UBTF: variants seen among roughly 807,000 people sequenced by gnomAD.
The protein encoded by UBTF is nucleolar transcription factor 1.
Under a neutral mutation model 112.3 loss-of-function variants are expected in UBTF, and 8 were observed. That is an observed-to-expected ratio of 0.07 (90% CI 0.04 to 0.13). The LOEUF is 0.13. Ranked by LOEUF, UBTF falls within the 10% of genes least tolerant of loss-of-function variation. The pLI is 1.00. For synonymous variants in UBTF, 417 were observed against 373.1 expected (o/e 1.12, Z -1.36); for missense variants, 457 against 982.1 (o/e 0.47, Z 7.15).
rs1378632973 is a variant in UBTF, at chr17:44,212,885, C to T, written c.594G>A (p.Lys198=). ...ACCACAGCTGCTGGGGGGTTTTGGG[C>T]TTCTCTGGGATGTCCGATTTCTTGG... The part of the protein sequence containing the change: ...QNAKKSDIPE[K]PKTPQQLWYT... The change falls in exon 7 of 21, where the codon AAG becomes AAA. Residue 198 remains lysine (K), a synonymous_variant. Coordinates refer to ENST00000436088, the MANE Select transcript of UBTF (RefSeq NM_014233.4). 6.2e-7 allele frequency: 1 copy of T among 1,614,142 alleles called. No individual in the cohort carries two copies. Among genetic ancestry groups the T allele is most frequent in the Admixed American group, 1.7e-5 (1 of 60,018 alleles).
Position 44,216,665 on chromosome 17 carries a change from C to T in UBTF, c.98G>A (p.Cys33Tyr), listed in dbSNP as rs1299576346. 1 of 1,614,098 alleles carries T rather than the reference C, an allele frequency of 6.2e-7. No individual in the cohort carries two copies. Among genetic ancestry groups the T allele is most frequent in the African/African-American group, 1.3e-5 (1 of 74,932 alleles). Residue 33 changes from cysteine to tyrosine, a missense_variant, in exon 3 of 21, where the codon TGC (cysteine) becomes TAC (tyrosine). Cys to Tyr is a radical substitution (Grantham distance 194). Coordinates refer to ENST00000436088, the MANE Select transcript of UBTF (RefSeq NM_014233.4). ...SQEDMLTLLECMKNNLPSNDS... is the reference protein window; with the variant it reads ...SQEDMLTLLEYMKNNLPSNDS... ...ATTGGATGGAAGGTTGTTCTTCATG[C>T]ATTCCAGCAAAGTCAGCATGTCTTC...
intron 19 of UBTF, 27 bp downstream of exon 19, chr17:44,207,672 C>G: frequency 6.2e-7 from 1 of 1,614,222 alleles, no homozygotes; most frequent in Non-Finnish European, 8.5e-7. Context: ...CCGCCCCACG[C>G]CCCTGCATCT....
chr17:44,216,322 A>G (rs2046843602), intron 3 of UBTF: 5 of 643,156 alleles, frequency 7.8e-6, no homozygotes, highest in Non-Finnish European at 1.1e-5. Flanking sequence ...TTGGCTCAAG[A>G]CCACTCAGAT....
rs756068296 is a variant in UBTF at position 44,212,939 on chromosome 17, C to T, written c.540G>A (p.Arg180=). 4 of 1,613,896 alleles carry T rather than the reference C, an allele frequency of 2.5e-6. No individual in the cohort carries two copies. Among genetic ancestry groups the T allele is most frequent in the East Asian group, 4.5e-5 (2 of 44,888 alleles). The change falls in exon 7 of 21, where the codon AGG becomes AGA. Residue 180 remains arginine (R), a splice_region_variant and synonymous_variant. Coordinates refer to ENST00000436088, the MANE Select transcript of UBTF (RefSeq NM_014233.4). ...QEFERNLARF[R]EDHPDLIQNA... ...TCTGGATTAGGTCGGGGTGATCCTC[C>T]CTAGCCAGGACACGGGGAGCAAGGA...
At chr17:44,218,125 G>A (rs754793807) in intron 2 of UBTF, 47 bp downstream of exon 2, 7 of 1,592,588 alleles carry the variant, frequency 4.4e-6, no homozygotes, top group African/African-American at 4.0e-5. Flanking sequence ...GCAGCCACGA[G>A]GGAAAGAGGG....
chr17:44,210,950 G>A lies in UBTF; in HGVS notation c.1204-3C>T. The A allele has an allele frequency of 6.2e-7, 1 of 1,605,562 alleles. No individual in the cohort carries two copies. Among genetic ancestry groups the A allele is most frequent in the Non-Finnish European group, 8.5e-7 (1 of 1,178,078 alleles). On this transcript the variant is annotated splice_polypyrimidine_tract_variant and splice_region_variant and intron_variant, in intron 12 of 20. Transcript: ENST00000436088. ...CGCTTGGGCTTCTCGGAGCCGCCCT[G>A]TCCAGGTGCAGAGGGTCGGGGTCCG...
chr17:44,207,326 G>A lies in UBTF; in HGVS notation c.2211C>T (p.Asp737=), dbSNP rs376920092. Residue 737 remains aspartate, a synonymous_variant, in exon 21 of 21, where the codon GAC becomes GAT. Transcript: ENST00000436088. ...CGGACTCATTATCTTCATCCTCATCGTCATCCTCGTCGTCGTCTTCGTCCT... is the reference window on the plus strand; with the variant it reads ...CGGACTCATTATCTTCATCCTCATCATCATCCTCGTCGTCGTCTTCGTCCT... ...DDEDEDDDED[D]DEDEDNESEG... The A allele has an allele frequency of 1.9e-5, 30 of 1,612,268 alleles. No individual in the cohort carries two copies. Among genetic ancestry groups the A allele is most frequent in the South Asian group, 7.7e-5 (7 of 90,746 alleles).
At position 44,207,020 on chromosome 17, in the gene UBTF, G is replaced by A; in HGVS notation, c.*222C>T. ...GCTTAGTCTGATAGTTGCTGTCCCT[G>A]GAGGAGGACCCCCAAGGGCTGATGT... On this transcript the variant is annotated 3_prime_UTR_variant, in exon 21 of 21. Transcript: ENST00000436088. 1 of 596,222 alleles carries A rather than the reference G, an allele frequency of 1.7e-6. No individual in the cohort carries two copies. The highest frequency in any genetic ancestry group is 2.2e-5 in the South Asian group (1 of 46,238). 36.9% of individuals were successfully genotyped at this position (596,222 alleles called of 1,614,324 possible). A position where few individuals can be genotyped will look rare whatever the true frequency, so the allele number is the denominator to read the frequency against.
intron 1 of UBTF, chr17:44,218,552 T>C: frequency 4.5e-6 from 1 of 219,902 alleles, no homozygotes; most frequent in Non-Finnish European, 7.7e-6. Context: ...AGCTCCCGCG[T>C]GCAGCGAGCG....
At chr17:44,218,441 T>C (rs1598270756) in intron 1 of UBTF, 145 bp from the exon 2 acceptor site, 1 of 544,890 alleles carries the variant, frequency 1.8e-6, no homozygotes, top group East Asian at 3.4e-5. Context: ...TCTATGGGAA[T>C]GGGAGTGCGC....
chr17:44,220,523 C>T (rs1029341482), upstream of UBTF, among the ~76,000 whole-genome samples: 3 of 150,968 alleles, frequency 2.0e-5, no homozygotes, highest in African/African-American at 7.3e-5. Flanking sequence ...AACCCGAAAA[C>T]TAAAACCTCT....
rs2056182478 is a variant in UBTF, at chr17:44,205,193, T to C, written c.*2049A>G. ...TGAATCCTACAAAACACTCCTTAAA[T>C]ATTAGAAAAGAAGTTGGGGGTGGGG... is the stretch of plus-strand genomic sequence containing the variant. On this transcript the variant is annotated 3_prime_UTR_variant, in exon 21 of 21. Transcript: ENST00000436088. 1 of 152,556 alleles carries C rather than the reference T, an allele frequency of 6.6e-6. No homozygotes were observed. The highest frequency in any genetic ancestry group is 6.5e-5 in the Admixed American group (1 of 15,278). The allele number at this position is 152,556 out of a possible 1,614,324, so 9.5% of individuals were successfully genotyped here. A position where few individuals can be genotyped will look rare whatever the true frequency, so the allele number is the denominator to read the frequency against.
rs757602997 is a variant in UBTF, at chr17:44,211,075, G to A, written c.1167C>T (p.Ser389=). Reference sequence around the variant, plus strand: ...CCTGGGCTGGCTTCTTGGAGGCGGGGCTGGTGGCCTGCTTCTTGTTGATGT... The same window carrying A: ...CCTGGGCTGGCTTCTTGGAGGCGGGACTGGTGGCCTGCTTCTTGTTGATGT... ...MLNINKKQAT[S]PASKKPAQEG... Residue 389 remains serine, a synonymous_variant, in exon 12 of 21, where the codon AGC becomes AGT. Transcript: ENST00000436088. This position sits in a 1 kb window ranked among gnomAD's most constrained non-coding sequence, Gnocchi z 4.9. The A allele has an allele frequency of 6.2e-7, 1 of 1,612,848 alleles. No homozygotes were observed. Among genetic ancestry groups the A allele is most frequent in the South Asian group, 1.1e-5 (1 of 91,052 alleles).
rs1198789598 is a variant in UBTF at position 44,207,171 on chromosome 17, G to T, written c.*71C>A. 1.9e-6 allele frequency: 3 copies of T among 1,569,758 alleles called. No individual in the cohort carries two copies. Among genetic ancestry groups the T allele is most frequent in the Non-Finnish European group, 2.6e-6 (3 of 1,146,482 alleles). On this transcript the variant is annotated 3_prime_UTR_variant, in exon 21 of 21. Coordinates refer to ENST00000436088, the MANE Select transcript of UBTF (RefSeq NM_014233.4). ...GGGGCAAGGGACAGAACATGGGGGA[G>T]AAACAAAGGTGGTCAGTTGGGGAGG...
At chr17:44,209,842 A>T (rs1262476468) in intron 15 of UBTF, 109 bp from the exon 16 acceptor site, 8 of 1,213,566 alleles carry the variant, frequency 6.6e-6, no homozygotes, top group Non-Finnish European at 9.4e-6. Flanking sequence ...TGTGCCAGGG[A>T]GGAGGAGAAA....
rs140691815 is a variant in UBTF at position 44,211,234 on chromosome 17, T to C, written c.1089+56A>G. On this transcript the variant is annotated intron_variant, in intron 11 of 20. Coordinates refer to ENST00000436088, the MANE Select transcript of UBTF (RefSeq NM_014233.4). The surrounding 1 kb of genome is among the most constrained non-coding windows in gnomAD (Gnocchi z 4.9). Reference sequence around the variant, plus strand: ...CCTATCTCCAGGGGCTCACCAGGGCTCTGCCTGCCAAGTCCCAGTCTTCTC... The same window carrying C: ...CCTATCTCCAGGGGCTCACCAGGGCCCTGCCTGCCAAGTCCCAGTCTTCTC... 3.6e-4 allele frequency: 576 copies of C among 1,614,018 alleles called. 5 individuals are homozygous for C. The African/African-American group carries it at 6.3e-3, about 18-fold the overall frequency.
rs771057006 is a variant in UBTF at position 44,209,345 on chromosome 17, C to A, written c.1905+7G>T. 1 of 1,587,462 alleles carries A rather than the reference C, an allele frequency of 6.3e-7. No homozygotes were observed. Among genetic ancestry groups the A allele is most frequent in the East Asian group, 2.2e-5 (1 of 44,578 alleles). On this transcript the variant is annotated splice_region_variant and intron_variant, in intron 17 of 20. Coordinates refer to ENST00000436088, the MANE Select transcript of UBTF (RefSeq NM_014233.4). ...CTGTTCCTTCCAAGGGTCCCTTGCCCTCTCACCTTAACCCAGAGGTCCAGG... is the reference window on the plus strand; with the variant it reads ...CTGTTCCTTCCAAGGGTCCCTTGCCATCTCACCTTAACCCAGAGGTCCAGG...
At position 44,207,318 on chromosome 17, in the gene UBTF, T is replaced by A. The variant is rs1418921242; in HGVS notation, c.2219A>T (p.Asp740Val). ...DEDDDEDDDE[D>V]EDNESEGSSS... ...GCTGCCCTCGGACTCATTATCTTCA[T>A]CCTCATCGTCATCCTCGTCGTCGTC... is the stretch of plus-strand genomic sequence containing the variant. Residue 740 changes from aspartate (D) to valine (V), a missense_variant, in exon 21 of 21, where the codon GAT becomes GTT. Physicochemically the swap from Asp to Val is radical, Grantham distance 152. Coordinates refer to ENST00000436088, the MANE Select transcript of UBTF (RefSeq NM_014233.4). The A allele has an allele frequency of 6.2e-7, 1 of 1,612,728 alleles. No individual in the cohort carries two copies. The highest frequency in any genetic ancestry group is 2.2e-5 in the East Asian group (1 of 44,816).
chr17:44,220,204 G>A (rs955666123), upstream of UBTF, among the ~76,000 whole-genome samples: 1 of 151,914 alleles, frequency 6.6e-6, no homozygotes, highest in South Asian at 2.1e-4. Context: ...GAACTAGCAG[G>A]CTTCGCCGGC....
Sources: gnomAD v4.1 joint callset for allele counts (sites outside exome capture counted in the v4.1 genomes callset) on GRCh38, gnomAD v4.1.1 for gene constraint, Gnocchi (gnomAD v3.1) non-coding constraint, MANE v1.5 for transcripts, NCBI Gene and HGNC (gene_info 2026-07-23, HGNC 2026-07-21) for gene names.